Variants in XNDC1N observed in about 807,000 individuals in gnomAD.
XNDC1N encodes XRCC1 N-terminal domain containing 1, N-terminal like.
the XNDC1N span, among the ~76,000 whole-genome samples, chr11:71,898,098 C>T: frequency 6.6e-6 from 1 of 152,058 alleles, no homozygotes. Flanking sequence ...GCACAAGAAT[C>T]GCTGGAACCC....
the XNDC1N span, among the ~76,000 whole-genome samples, chr11:71,901,185 T>G: frequency 1.3e-5 from 2 of 152,134 alleles, no homozygotes; most frequent in Admixed American, 6.5e-5. Flanking sequence ...GTACAGCTCT[T>G]GACTTCCACA....
At chr11:71,916,433 G>C in the XNDC1N span, among the ~76,000 whole-genome samples, 2 of 152,282 alleles carry the variant, frequency 1.3e-5, no homozygotes, top group African/African-American at 4.8e-5. Flanking sequence ...ATGCCAAGCA[G>C]GCCAGTCAGG....
the XNDC1N span, chr11:71,919,084 G>A: frequency 1.4e-6 from 1 of 693,024 alleles, no homozygotes; most frequent in Non-Finnish European, 2.6e-6. Flanking sequence ...GAAAAAGGAT[G>A]CCCATGAATG....
chr11:71,896,148 C>G, the XNDC1N span, among the ~76,000 whole-genome samples: 4,259 of 152,196 alleles, frequency 0.028, 71 homozygotes, highest in East Asian at 0.08. Flanking sequence ...GCGTGGTGAC[C>G]TGTGCCTGTA....
the XNDC1N span, among the ~76,000 whole-genome samples, chr11:71,913,424 G>T: frequency 6.6e-6 from 1 of 152,048 alleles, no homozygotes; most frequent in Admixed American, 6.5e-5. Context: ...ACTTTGGAAG[G>T]CCGAGGCTAG....
the XNDC1N span, chr11:71,918,930 C>T: frequency 1.4e-6 from 1 of 702,850 alleles, no homozygotes; most frequent in Non-Finnish European, 2.6e-6. Context: ...AGCTGTAGTT[C>T]TACTTTCAAT....
chr11:71,915,101 C>T, the XNDC1N span, among the ~76,000 whole-genome samples: 1 of 152,134 alleles, frequency 6.6e-6, no homozygotes, highest in Non-Finnish European at 1.5e-5. Context: ...AATAACCACC[C>T]TGATCTGTCA....
the XNDC1N span, among the ~76,000 whole-genome samples, chr11:71,888,719 C>T: frequency 6.6e-6 from 1 of 152,220 alleles, no homozygotes; most frequent in African/African-American, 2.4e-5. Flanking sequence ...TGGGCAAAAA[C>T]TGAACATTAA....
the XNDC1N span, among the ~76,000 whole-genome samples, chr11:71,895,519 G>A: frequency 0.037 from 4,375 of 119,170 alleles, 10 homozygotes; most frequent in African/African-American, 0.13. Context: ...TAGAGACAGT[G>A]TTTCTCCATT....
chr11:71,882,749 A>T, the XNDC1N span, among the ~76,000 whole-genome samples: 1 of 152,234 alleles, frequency 6.6e-6, no homozygotes, highest in African/African-American at 2.4e-5. Context: ...TAGCAAGAAC[A>T]ATTAGGCAAG....
chr11:71,913,417 T>G, the XNDC1N span, among the ~76,000 whole-genome samples: 6 of 151,806 alleles, frequency 4.0e-5, no homozygotes, highest in Non-Finnish European at 8.8e-5. Flanking sequence ...TCCCAGCACT[T>G]TGGAAGGCCG....
the XNDC1N span, among the ~76,000 whole-genome samples, chr11:71,886,668 C>T: frequency 3.3e-5 from 5 of 152,114 alleles, no homozygotes; most frequent in South Asian, 2.1e-4. Context: ...GGCTTTAGTC[C>T]GTCAAAGCGC....
chr11:71,870,868 A>G, the XNDC1N span, among the ~76,000 whole-genome samples: 1 of 152,242 alleles, frequency 6.6e-6, no homozygotes, highest in Non-Finnish European at 1.5e-5. Context: ...CTACTACAGA[A>G]AAGAGGAAAT....
chr11:71,923,995 TTA>T, the XNDC1N span, among the ~76,000 whole-genome samples: 1 of 152,212 alleles, frequency 6.6e-6, no homozygotes, highest in East Asian at 1.9e-4. Flanking sequence ...TATTAAGATG[TTA>T]ATGTTGGATT....
chr11:71,893,901 C>T, the XNDC1N span: 6 of 977,814 alleles, frequency 6.1e-6, no homozygotes, highest in African/African-American at 5.0e-5. Flanking sequence ...GTGTCTTCTT[C>T]GTTTTGGTGT....
At chr11:71,879,350 T>C in the XNDC1N span, among the ~76,000 whole-genome samples, 1 of 152,180 alleles carries the variant, frequency 6.6e-6, no homozygotes. Flanking sequence ...TATAAGCATA[T>C]TTATTAAATA....
chr11:71,885,211 C>T, the XNDC1N span, among the ~76,000 whole-genome samples: 1 of 151,940 alleles, frequency 6.6e-6, no homozygotes, highest in Admixed American at 6.5e-5. Flanking sequence ...TGGGATATCG[C>T]GTGTCATATC....
the XNDC1N span, among the ~76,000 whole-genome samples, chr11:71,877,404 G>A: frequency 9.2e-5 from 14 of 152,222 alleles, no homozygotes; most frequent in African/African-American, 1.9e-4. Flanking sequence ...TCGGGAGGCC[G>A]AGGCATGTGG....
the XNDC1N span, among the ~76,000 whole-genome samples, chr11:71,866,452 G>A: frequency 6.6e-6 from 1 of 152,166 alleles, no homozygotes; most frequent in Non-Finnish European, 1.5e-5. Context: ...AGGCATAGTT[G>A]ATAAACCCCA....
Sources: allele counts gnomAD v4.1 joint callset (sites outside exome capture counted in the v4.1 genomes callset), GRCh38; gene constraint gnomAD v4.1.1; transcripts MANE v1.5; gene names NCBI Gene and HGNC (gene_info 2026-07-23, HGNC 2026-07-21).